The following BARD1 variants were observed in gnomAD, a reference collection of about 807,000 sequenced individuals.
The protein encoded by BARD1 is BRCA1-associated RING domain protein 1.
In BARD1, 73 loss-of-function variants were observed where a neutral mutation model predicts 77.0. The ratio of observed to expected loss-of-function variants is 0.95; its 90% CI spans 0.79 to 1.15. BARD1 has a LOEUF of 1.15. Ranked by LOEUF, BARD1 falls within the 50% of genes most tolerant of loss-of-function variation. The pLI is 0.00. For missense variants in BARD1, 993 were observed against 938.8 expected, an observed-to-expected ratio of 1.06 and a Z score of -0.75; for synonymous variants, 384 against 338.0, an observed-to-expected ratio of 1.14 and a Z score of -1.49.
At chr2:214,762,332 T>C (rs1000873693) in intron 6 of BARD1, among the ~76,000 whole-genome samples, 1 of 152,100 alleles carries the variant, frequency 6.6e-6, no homozygotes. Flanking sequence ...CTGAAAGAAA[T>C]CCCAAATACT....
At chr2:214,767,715 TATA>T in intron 5 of BARD1, 61 bp from the exon 6 acceptor site, 1 of 1,449,118 alleles carries the variant, frequency 6.9e-7, no homozygotes, top group South Asian at 1.2e-5. Flanking sequence ...TGGATGATAT[TATA>T]ATATCACACT....
chr2:214,798,946 G>A (rs1160715172), intron 1 of BARD1, among the ~76,000 whole-genome samples: 1 of 151,788 alleles, frequency 6.6e-6, no homozygotes, highest in Non-Finnish European at 1.5e-5. Flanking sequence ...GTGAAACCCT[G>A]TCTCTACTAA....
rs1553619701 is a variant in BARD1, at chr2:214,769,253, G to A, written c.1374C>T (p.Asp458=). 1 of 1,613,324 alleles carries A rather than the reference G, an allele frequency of 6.2e-7. No homozygotes were observed. The highest frequency in any genetic ancestry group is 1.1e-5 in the South Asian group (1 of 91,072). The change falls in exon 5 of 11, where the codon GAC becomes GAT. Residue 458 remains aspartate (D), a synonymous_variant. Transcript: ENST00000260947. Reference sequence around the variant, plus strand: ...CTACCAATGGTGTCCATCCAGCATGGTCTTTAACATTTGGATCACTTCCAT... The same window carrying A: ...CTACCAATGGTGTCCATCCAGCATGATCTTTAACATTTGGATCACTTCCAT... ...LQNGSDPNVK[D]HAGWTPLHEA...
chr2:214,780,913 T>C lies in BARD1; in HGVS notation c.961A>G (p.Lys321Glu). ...KKSLPLENNG[K>E]RGHHNRLSSP... The stretch of plus-strand genomic sequence containing the variant: ...GAAAGTCTATTGTGATGGCCACGTT[T>C]TCCATTATTTTCTAATGGCAAAGAT... The change falls in exon 4 of 11, where the codon AAA becomes GAA. Residue 321 changes from lysine (K) to glutamate (E), a missense_variant. Lys to Glu is a moderately conservative substitution (Grantham distance 56). Transcript: ENST00000260947. 6.2e-7 allele frequency: 1 copy of C among 1,614,108 alleles called. No homozygotes were observed. Among genetic ancestry groups the C allele is most frequent in the Non-Finnish European group, 8.5e-7 (1 of 1,179,984 alleles).
intron 3 of BARD1, among the ~76,000 whole-genome samples, chr2:214,791,623 C>T (rs747387280): frequency 2.0e-4 from 31 of 152,246 alleles, no homozygotes; most frequent in Non-Finnish European, 4.0e-4. Flanking sequence ...ATTTAAAAAA[C>T]GTTAACCCCC....
intron 6 of BARD1, among the ~76,000 whole-genome samples, chr2:214,753,831 A>C (rs1693571120): frequency 6.6e-6 from 1 of 152,162 alleles, no homozygotes; most frequent in African/African-American, 2.4e-5. Flanking sequence ...TATCAGGTCC[A>C]ATTGCTTTCT....
chr2:214,752,323 G>T, intron 7 of BARD1, 124 bp downstream of exon 7: 1 of 760,518 alleles, frequency 1.3e-6, no homozygotes, highest in Non-Finnish European at 2.3e-6. Context: ...TAATACTCAG[G>T]AAGTGCTCAA....
rs559051241 is a variant in BARD1 at position 214,780,977 on chromosome 2, A to G, written c.897T>C (p.Thr299=). The change falls in exon 4 of 11, where the codon ACT becomes ACC. Residue 299 remains threonine (T), a synonymous_variant. Coordinates refer to ENST00000260947, the MANE Select transcript of BARD1 (RefSeq NM_000465.4). ...PDTKSRNEVV[T]PEKVCKNYLT... ...GATAATTTTTGCAGACCTTCTCAGG[A>G]GTCACTACTTCATTCCTGCTCTTAG... 50 of 1,613,444 alleles carry G rather than the reference A, an allele frequency of 3.1e-5. No individual in the cohort carries two copies. The South Asian group carries it at 5.2e-4, about 17-fold the overall frequency.
At chr2:214,730,733 A>G (rs997857004) in intron 9 of BARD1, among the ~76,000 whole-genome samples, 1 of 152,212 alleles carries the variant, frequency 6.6e-6, no homozygotes, top group African/African-American at 2.4e-5. Flanking sequence ...TTGGAGGATT[A>G]AGCCATAAGT....
intron 4 of BARD1, among the ~76,000 whole-genome samples, chr2:214,771,064 G>A (rs1694460670): frequency 1.3e-5 from 2 of 152,196 alleles, no homozygotes; most frequent in African/African-American, 2.4e-5. Context: ...TAGGAAGAAG[G>A]AGGCATTTAT....
chr2:214,745,710 C>T lies in BARD1; in HGVS notation c.1810+12G>A, dbSNP rs774637532. 1 of 1,613,968 alleles carries T rather than the reference C, an allele frequency of 6.2e-7. No homozygotes were observed. Among genetic ancestry groups the T allele is most frequent in the South Asian group, 1.1e-5 (1 of 91,076 alleles). ...TTTTTCTACCCCACCTCCCAAAATT[C>T]AAAATCCTCACCTGTACTGTCAAAC... On this transcript the variant is annotated intron_variant, in intron 8 of 10. Transcript: ENST00000260947.
chr2:214,800,837 C>T (rs1283154770), intron 1 of BARD1, among the ~76,000 whole-genome samples: 1 of 151,996 alleles, frequency 6.6e-6, no homozygotes, highest in Non-Finnish European at 1.5e-5. Context: ...AACTGTGGAA[C>T]GAGGCCTTCA....
rs142154154 is a variant in BARD1 at position 214,803,321 on chromosome 2, G to A, written c.158+6091C>T. Among the ~76,000 whole-genome samples, 456 of 152,274 alleles carry A rather than the reference G, an allele frequency of 3.0e-3. 6 individuals are homozygous for A. Among genetic ancestry groups the A allele is most frequent in the African/African-American group, 0.011 (440 of 41,542 alleles). On this transcript the variant is annotated intron_variant, in intron 1 of 10. Transcript: ENST00000260947. Reference sequence around the variant, plus strand: ...ACACCCGTAAAGGGTCTGTGCTGAGGAGGATTAGTATAAGAGGAAGGCAAG... The same window carrying A: ...ACACCCGTAAAGGGTCTGTGCTGAGAAGGATTAGTATAAGAGGAAGGCAAG...
In BARD1 at chr2:214,726,193, T is replaced by G. The variant is rs1287164492; in HGVS notation, c.*2483A>C. The G allele has an allele frequency of 2.4e-5, 5 of 211,942 alleles. No individual in the cohort carries two copies. The East Asian group carries it at 3.5e-4, about 15-fold the overall frequency. 13.1% of individuals were successfully genotyped at this position (211,942 alleles called of 1,614,324 possible). A position where few individuals can be genotyped will look rare whatever the true frequency, so the allele number is the denominator to read the frequency against. On this transcript the variant is annotated 3_prime_UTR_variant, in exon 11 of 11. Transcript: ENST00000260947. ...AATCATAATGCTAATATACTTCCCA[T>G]CTGGTTTCTATTTTTCAGCAAGTCA...
At chr2:214,803,940 C>A (rs181546624) in intron 1 of BARD1, among the ~76,000 whole-genome samples, 4 of 151,466 alleles carry the variant, frequency 2.6e-5, no homozygotes, top group Admixed American at 6.6e-5. Context: ...AAATTTTCTT[C>A]GAAAAGAAAA....
At chr2:214,790,226 C>G (rs1165285192) in intron 3 of BARD1, among the ~76,000 whole-genome samples, 1 of 152,124 alleles carries the variant, frequency 6.6e-6, no homozygotes, top group Non-Finnish European at 1.5e-5. Context: ...CATTTATCAT[C>G]ATTAAAAATG....
At chr2:214,732,611 G>A (rs1692405428) in intron 9 of BARD1, among the ~76,000 whole-genome samples, 2 of 151,926 alleles carry the variant, frequency 1.3e-5, no homozygotes, top group Admixed American at 6.6e-5. Context: ...TAGCCAGGAT[G>A]GTCTCGATCT....
At chr2:214,746,572 C>T (rs1399769651) in intron 7 of BARD1, among the ~76,000 whole-genome samples, 1 of 148,718 alleles carries the variant, frequency 6.7e-6, no homozygotes, top group African/African-American at 2.5e-5. Flanking sequence ...GTGAAAGACT[C>T]CAGGAAACAA....
At chr2:214,794,841 TAATCAAAACA>T (rs1213641802) in intron 2 of BARD1, among the ~76,000 whole-genome samples, 3 of 152,226 alleles carry the variant, frequency 2.0e-5, no homozygotes, top group Non-Finnish European at 2.9e-5. Flanking sequence ...TGGCATCATA[TAATCAAAACA>T]AATCAAAACT....
Sources: allele counts gnomAD v4.1 joint callset (sites outside exome capture counted in the v4.1 genomes callset), GRCh38; gene constraint gnomAD v4.1.1; transcripts MANE v1.5; gene names NCBI Gene and HGNC (gene_info 2026-07-23, HGNC 2026-07-21).